The following EIF2B3 variants were observed in gnomAD, a reference collection of about 807,000 sequenced individuals.
EIF2B3 encodes the protein translation initiation factor eIF2B subunit gamma.
EIF2B3 carries 20 observed loss-of-function variants against 54.1 expected under a neutral mutation model. The observed-to-expected ratio is 0.37, with a 90% confidence interval of 0.26 to 0.54. The LOEUF is 0.54. EIF2B3 is among the 20% of genes least tolerant of loss of function. The probability of loss-of-function intolerance (pLI) is 0.86; values close to 1 mark genes in which losing one functional copy is unlikely to be tolerated. For missense variants in EIF2B3, 448 were observed against 547.8 expected (o/e 0.82, Z 1.82); for synonymous variants, 153 against 188.1 (o/e 0.81, Z 1.52).
chr1:44,948,546 A>T (rs1185401090), intron 3 of EIF2B3, among the ~76,000 whole-genome samples: 2 of 152,114 alleles, frequency 1.3e-5, no homozygotes, highest in African/African-American at 4.8e-5. Flanking sequence ...TTACCTTAAA[A>T]TTTTTAAAAA....
At chr1:44,943,398 A>ATATCTG in intron 3 of EIF2B3, among the ~76,000 whole-genome samples, 1 of 149,676 alleles carries the variant, frequency 6.7e-6, no homozygotes, top group Admixed American at 6.7e-5. Context: ...ATCTATATCT[A>ATATCTG]TATCTATATC....
At chr1:44,959,191 A>T in intron 3 of EIF2B3, 1 of 705,570 alleles carries the variant, frequency 1.4e-6, no homozygotes, top group South Asian at 1.6e-5. Flanking sequence ...ATTAGGAATA[A>T]CAACTCCAAG....
chr1:44,949,526 G>C (rs1644138695), intron 3 of EIF2B3, among the ~76,000 whole-genome samples: 1 of 152,166 alleles, frequency 6.6e-6, no homozygotes, highest in African/African-American at 2.4e-5. Context: ...TAAAACATCT[G>C]ATTTTAAATG....
intron 8 of EIF2B3, among the ~76,000 whole-genome samples, chr1:44,877,757 CCTGT>C (rs963925443): frequency 6.6e-6 from 1 of 152,162 alleles, no homozygotes; most frequent in Admixed American, 6.5e-5. Flanking sequence ...AGGTAGTGCG[CCTGT>C]CTATGATTCT....
chr1:44,888,792 C>T (rs1655693949), intron 6 of EIF2B3, among the ~76,000 whole-genome samples: 1 of 152,204 alleles, frequency 6.6e-6, no homozygotes, highest in Non-Finnish European at 1.5e-5. Flanking sequence ...GTTTTATGTC[C>T]TTGGCAACTT....
chr1:44,870,472 C>T (rs529053545), intron 10 of EIF2B3, among the ~76,000 whole-genome samples: 126 of 152,284 alleles, frequency 8.3e-4, no homozygotes, highest in African/African-American at 2.9e-3. Context: ...TCCCTTACCC[C>T]ACATGTCCCC....
At chr1:44,919,715 CTTTTTT>C (rs777128961) in intron 5 of EIF2B3, among the ~76,000 whole-genome samples, 1 of 115,882 alleles carries the variant, frequency 8.6e-6, no homozygotes, top group Non-Finnish European at 1.7e-5. Context: ...ATTGAATGTC[CTTTTTT>C]TTTTTTTTTT....
At chr1:44,919,929 C>G (rs2148928311) in intron 5 of EIF2B3, among the ~76,000 whole-genome samples, 1 of 145,052 alleles carries the variant, frequency 6.9e-6, no homozygotes, top group Middle Eastern at 3.6e-3. Flanking sequence ...TCCATGTTGG[C>G]CAGGATGGTC....
At chr1:44,878,846 C>T (rs1655285255) in intron 8 of EIF2B3, among the ~76,000 whole-genome samples, 2 of 151,814 alleles carry the variant, frequency 1.3e-5, no homozygotes, top group Non-Finnish European at 2.9e-5. Context: ...GCAACCTCTG[C>T]ATTCCAGGCT....
At chr1:44,962,779 T>C (rs533782995) in intron 3 of EIF2B3, among the ~76,000 whole-genome samples, 1 of 152,216 alleles carries the variant, frequency 6.6e-6, no homozygotes, top group Non-Finnish European at 1.5e-5. Flanking sequence ...TGTTTACAAA[T>C]AACTTGCTTC....
chr1:44,880,259 A>G (rs1655346832), intron 7 of EIF2B3, among the ~76,000 whole-genome samples: 1 of 152,016 alleles, frequency 6.6e-6, no homozygotes, highest in South Asian at 2.1e-4. Context: ...TTCCTTTGAA[A>G]CTCACCCACA....
chr1:44,974,172 A>G (rs1019119791), intron 3 of EIF2B3, among the ~76,000 whole-genome samples: 13 of 148,890 alleles, frequency 8.7e-5, no homozygotes, highest in Admixed American at 8.6e-4. Flanking sequence ...GCAATGAGAC[A>G]ATTTTTTTTT....
Position 44,933,146 on chromosome 1 carries a change from A to C in EIF2B3, c.455-6407T>G, listed in dbSNP as rs144570352. Among the ~76,000 whole-genome samples, 56 of 152,318 alleles carry C rather than the reference A, an allele frequency of 3.7e-4. No individual in the cohort carries two copies. The East Asian group carries it at 0.011, about 29-fold the overall frequency. On this transcript the variant is annotated intron_variant, in intron 4 of 11. Coordinates refer to ENST00000360403, the MANE Select transcript of EIF2B3 (RefSeq NM_020365.5). ...ACACAATTGGAGCTTGGGTTGAATTAGTGACAAATACATAAAAAACAAGCA... is the reference window on the plus strand; with the variant it reads ...ACACAATTGGAGCTTGGGTTGAATTCGTGACAAATACATAAAAAACAAGCA...
intron 11 of EIF2B3, among the ~76,000 whole-genome samples, chr1:44,853,421 G>C (rs1045056401): frequency 6.6e-6 from 1 of 152,050 alleles, no homozygotes; most frequent in African/African-American, 2.4e-5. Context: ...ACCAGCCTGG[G>C]CAATAGTTAG....
Position 44,881,301 on chromosome 1 carries a change from A to G in EIF2B3, c.784+311T>C, listed in dbSNP as rs1655393544. 6.6e-6 allele frequency among the ~76,000 whole-genome samples: 1 copy of G among 152,200 alleles called. No homozygotes were observed. The highest frequency in any genetic ancestry group is 2.1e-4 in the South Asian group (1 of 4,830). ...CGGGGCTGCCTAGAGCCTAGAGAAC[A>G]GGGGAACTAAGAAGTGGCAGGTGGA... On this transcript the variant is annotated intron_variant, in intron 7 of 11. Coordinates refer to ENST00000360403, the MANE Select transcript of EIF2B3 (RefSeq NM_020365.5). The surrounding 1 kb of genome is among the most constrained non-coding windows in gnomAD (Gnocchi z 4.0).
intron 6 of EIF2B3, among the ~76,000 whole-genome samples, chr1:44,884,417 AAAGG>A (rs973921634): frequency 4.3e-4 from 65 of 152,174 alleles, no homozygotes; most frequent in African/African-American, 1.5e-3. Flanking sequence ...GTGTAGGTAG[AAAGG>A]AAGGCAAGAC....
rs747022361 is a variant in EIF2B3 at position 44,875,713 on chromosome 1, G to C, written c.976-18C>G. 3.1e-6 allele frequency: 5 copies of C among 1,610,100 alleles called. No individual in the cohort carries two copies. Among genetic ancestry groups the C allele is most frequent in the Non-Finnish European group, 4.3e-6 (5 of 1,176,426 alleles). ...TTGGGCACCTTAAGGACAGAGATTT[G>C]GTCACTAAAGATCAGAAAACACCTT... On this transcript the variant is annotated intron_variant, in intron 8 of 11. Coordinates refer to ENST00000360403, the MANE Select transcript of EIF2B3 (RefSeq NM_020365.5).
chr1:44,928,478 CTTTA>C (rs1285611375), intron 4 of EIF2B3, among the ~76,000 whole-genome samples: 2 of 148,722 alleles, frequency 1.3e-5, no homozygotes, highest in African/African-American at 2.5e-5. Flanking sequence ...AGTAAAGTTA[CTTTA>C]TTTATTTAGG....
chr1:44,916,554 C>T (rs1643626557), intron 5 of EIF2B3, among the ~76,000 whole-genome samples: 1 of 146,076 alleles, frequency 6.8e-6, no homozygotes, highest in Non-Finnish European at 1.5e-5. Context: ...GGCATGGTGG[C>T]TCACTCCTGT....
Sources: allele counts gnomAD v4.1 joint callset (sites outside exome capture counted in the v4.1 genomes callset), GRCh38; gene constraint gnomAD v4.1.1; non-coding constraint Gnocchi (gnomAD v3.1); transcripts MANE v1.5; gene names NCBI Gene and HGNC (gene_info 2026-07-23, HGNC 2026-07-21).